The following IPO8 variants were observed in gnomAD, a reference collection of about 807,000 sequenced individuals.
IPO8 encodes the protein importin-8.
IPO8 carries 65 observed loss-of-function variants against 141.2 expected under a neutral mutation model. That is an observed-to-expected ratio of 0.46 (90% CI 0.38 to 0.57). The LOEUF (loss-of-function observed/expected upper bound fraction) is 0.57. Among genes scored for constraint, IPO8 ranks in the 20% least tolerant of loss-of-function variants. The pLI, the probability that IPO8 is intolerant of heterozygous loss-of-function variation, is 0.00. For synonymous variants in IPO8, 411 were observed against 420.3 expected, an observed-to-expected ratio of 0.98 and a Z score of 0.27; for missense variants, 980 against 1,246.8, an observed-to-expected ratio of 0.79 and a Z score of 3.22.
chr12:30,648,367 T>C (rs1030298348), intron 20 of IPO8, among the ~76,000 whole-genome samples: 5 of 152,192 alleles, frequency 3.3e-5, no homozygotes, highest in African/African-American at 9.7e-5. Context: ...ATGCCCAGAA[T>C]ACGCAAATCT....
chr12:30,637,331 T>C (rs2052516924), intron 21 of IPO8, 144 bp from the exon 22 acceptor site: 2 of 650,858 alleles, frequency 3.1e-6, no homozygotes, highest in South Asian at 2.0e-5. Context: ...TGTTTTGTAC[T>C]GTATGAAATG....
intron 5 of IPO8, among the ~76,000 whole-genome samples, chr12:30,678,428 C>T (rs552720938): frequency 6.6e-6 from 1 of 152,222 alleles, no homozygotes; most frequent in Non-Finnish European, 1.5e-5. Flanking sequence ...GTTACAGCTG[C>T]TTTCAGTATT....
intron 20 of IPO8, among the ~76,000 whole-genome samples, chr12:30,646,645 A>G (rs1281082853): frequency 6.6e-6 from 1 of 152,220 alleles, no homozygotes; most frequent in African/African-American, 2.4e-5. Flanking sequence ...AGGTTGCAGG[A>G]TACAAGATAA....
intron 7 of IPO8, among the ~76,000 whole-genome samples, 163 bp downstream of exon 7, chr12:30,674,496 C>T (rs1057270050): frequency 3.3e-5 from 5 of 151,758 alleles, no homozygotes; most frequent in African/African-American, 1.2e-4. Flanking sequence ...AGAAAAGATC[C>T]AGAGAAGACC....
chr12:30,656,959 A>G (rs2052809023), intron 16 of IPO8, among the ~76,000 whole-genome samples: 1 of 152,164 alleles, frequency 6.6e-6, no homozygotes, highest in Non-Finnish European at 1.5e-5. Flanking sequence ...AACAATTTAT[A>G]TTAGTTCCTT....
Position 30,650,064 on chromosome 12 carries a change from C to G in IPO8, c.2173-832G>C, listed in dbSNP as rs1433432882. On this transcript the variant is annotated intron_variant, in intron 19 of 24. Coordinates refer to ENST00000256079, the MANE Select transcript of IPO8 (RefSeq NM_006390.4). ...AAAAAAGACTTAACGAAGTAAGAAG[C>G]TTTTTATATAAGTTATTTTTAAGAA... Among the ~76,000 whole-genome samples, 4 of 150,446 alleles carry G rather than the reference C, an allele frequency of 2.7e-5. No individual in the cohort carries two copies. The South Asian group carries it at 8.4e-4, about 32-fold the overall frequency.
At chr12:30,690,422 T>C (rs942406753) in intron 2 of IPO8, 74 bp downstream of exon 2, 13 of 858,214 alleles carry the variant, frequency 1.5e-5, no homozygotes, top group South Asian at 1.4e-4. Flanking sequence ...ATTACAGATA[T>C]GTAAAATTAA....
At chr12:30,656,861 A>C in intron 16 of IPO8, 111 bp from the exon 17 acceptor site, 1 of 494,164 alleles carries the variant, frequency 2.0e-6, no homozygotes, top group African/African-American at 2.0e-5. Flanking sequence ...TAACTTGACA[A>C]TTCTAAACTT....
At chr12:30,665,184 G>T in intron 13 of IPO8, 36 bp downstream of exon 13, 1 of 1,117,510 alleles carries the variant, frequency 8.9e-7, no homozygotes, top group Non-Finnish European at 1.3e-6. Flanking sequence ...ATCTTATGAA[G>T]ATTTAAGATA....
chr12:30,684,514 G>T (rs2053220833), intron 2 of IPO8, 57 bp from the exon 3 acceptor site: 1 of 1,538,748 alleles, frequency 6.5e-7, no homozygotes. Flanking sequence ...CTTTAATTCA[G>T]CCTTACAGAG....
intron 19 of IPO8, among the ~76,000 whole-genome samples, chr12:30,651,829 A>T (rs2052730768): frequency 1.3e-5 from 2 of 152,108 alleles, no homozygotes; most frequent in African/African-American, 4.8e-5. Context: ...AATTACCTAC[A>T]TCTAGTGACT....
At chr12:30,672,305 A>G (rs199856437) in intron 8 of IPO8, among the ~76,000 whole-genome samples, 46 of 152,328 alleles carry the variant, frequency 3.0e-4, no homozygotes, top group African/African-American at 1.1e-3. Flanking sequence ...CAGGTTTACC[A>G]AATTTGTCGG....
Position 30,644,858 on chromosome 12 carries a change from G to C in IPO8, c.2268+4279C>G, listed in dbSNP as rs551075013. On this transcript the variant is annotated intron_variant, in intron 20 of 24. Transcript: ENST00000256079. ...AGTAGAGACAGGGTTTCACCATGTT[G>C]GCCAGGCTGGTTTCAAACTCCTAAC... Among the ~76,000 whole-genome samples the C allele has an allele frequency of 1.7e-4, 26 of 151,356 alleles. No individual in the cohort carries two copies. The East Asian group carries it at 5.0e-3, about 29-fold the overall frequency.
chr12:30,651,385 A>T (rs981486640), intron 19 of IPO8, among the ~76,000 whole-genome samples: 2 of 152,142 alleles, frequency 1.3e-5, no homozygotes, highest in African/African-American at 4.8e-5. Flanking sequence ...ATCAGTGCAG[A>T]GCTCTTACCA....
At chr12:30,655,613 G>A (rs1175986525) in intron 17 of IPO8, among the ~76,000 whole-genome samples, 1 of 152,216 alleles carries the variant, frequency 6.6e-6, no homozygotes, top group Non-Finnish European at 1.5e-5. Flanking sequence ...CTGTCTTTCT[G>A]TGCCTGGCTT....
In IPO8 at chr12:30,630,797, C is replaced by G. The variant is rs746916482; in HGVS notation, c.*63G>C. The stretch of plus-strand genomic sequence containing the variant: ...CAGCCCCTCATTTCATCCCCTTGAC[C>G]CTCACACTCCTCTTGTGAAATAAAA... On this transcript the variant is annotated 3_prime_UTR_variant, in exon 25 of 25. Coordinates refer to ENST00000256079, the MANE Select transcript of IPO8 (RefSeq NM_006390.4). 1.5e-6 allele frequency: 2 copies of G among 1,351,348 alleles called. No homozygotes were observed. Among genetic ancestry groups the G allele is most frequent in the Non-Finnish European group, 2.1e-6 (2 of 949,174 alleles). 83.7% of individuals were successfully genotyped at this position (1,351,348 alleles called of 1,614,324 possible).
intron 1 of IPO8, among the ~76,000 whole-genome samples, chr12:30,692,903 G>A (rs1362852274): frequency 6.6e-6 from 1 of 152,086 alleles, no homozygotes; most frequent in Non-Finnish European, 1.5e-5. Context: ...CAGCACTTAT[G>A]ACCTGAAATT....
chr12:30,680,876 C>G (rs529986856), intron 4 of IPO8, among the ~76,000 whole-genome samples: 110 of 152,146 alleles, frequency 7.2e-4, no homozygotes, highest in Non-Finnish European at 1.2e-3. Context: ...TAAAACAACC[C>G]GAGACCATTT....
intron 20 of IPO8, among the ~76,000 whole-genome samples, chr12:30,642,001 C>A (rs148662754): frequency 0.021 from 3,239 of 152,066 alleles, 107 homozygotes; most frequent in African/African-American, 0.073. Context: ...TTGAGACCTG[C>A]CTGGCCAACA....
Sources: gnomAD v4.1 joint callset for allele counts (sites outside exome capture counted in the v4.1 genomes callset) on GRCh38, gnomAD v4.1.1 for gene constraint, MANE v1.5 for transcripts, NCBI Gene and HGNC (gene_info 2026-07-23, HGNC 2026-07-21) for gene names.